The following PDE4D variants were observed in gnomAD, a reference collection of about 807,000 sequenced individuals.
The protein encoded by PDE4D is phosphodiesterase 4D, also known as 3',5'-cyclic-AMP phosphodiesterase 4D.
A neutral mutation model predicts 87.4 loss-of-function variants in PDE4D; 24 were observed. That is an observed-to-expected ratio of 0.27 (90% CI 0.20 to 0.39). The LOEUF (loss-of-function observed/expected upper bound fraction) is 0.39. Among genes scored for constraint, PDE4D ranks in the 10% least tolerant of loss-of-function variants. The pLI is 1.00. For missense variants in PDE4D, 714 were observed against 1,041.0 expected (o/e 0.69, Z 4.32); for synonymous variants, 384 against 383.2 (o/e 1.00, Z -0.02).
intron 1 of PDE4D, among the ~76,000 whole-genome samples, chr5:59,403,140 G>GACA (rs1445641721): frequency 9.0e-5 from 12 of 132,746 alleles, no homozygotes; most frequent in Non-Finnish European, 2.0e-4. Flanking sequence ...TAGGTAGGTA[G>GACA]GTAGACAGAC....
intron 1 of PDE4D, among the ~76,000 whole-genome samples, chr5:59,471,211 C>T (rs942575088): frequency 2.0e-5 from 3 of 152,072 alleles, no homozygotes; most frequent in African/African-American, 7.2e-5. Context: ...TGCCACTGCA[C>T]TCCAGCCTGG....
At chr5:60,367,890 G>A (rs1760692489) in intron 1 of PDE4D, among the ~76,000 whole-genome samples, 1 of 152,118 alleles carries the variant, frequency 6.6e-6, no homozygotes, top group South Asian at 2.1e-4. Context: ...GACTGAAATA[G>A]CTGCCTGTCC....
chr5:59,251,962 G>GAACTCATCA (rs1760047057), intron 1 of PDE4D, among the ~76,000 whole-genome samples: 2 of 152,142 alleles, frequency 1.3e-5, no homozygotes, highest in Non-Finnish European at 2.9e-5. Flanking sequence ...ATAAGTGGGA[G>GAACTCATCA]CTAAATGATG....
At chr5:59,755,197 C>T (rs964493479) in intron 1 of PDE4D, among the ~76,000 whole-genome samples, 13 of 152,062 alleles carry the variant, frequency 8.5e-5, no homozygotes, top group Admixed American at 6.6e-4. Context: ...TTTCATATGT[C>T]TATATTATTT....
chr5:59,191,363 C>A (rs1744254575), intron 3 of PDE4D, among the ~76,000 whole-genome samples: 1 of 151,596 alleles, frequency 6.6e-6, no homozygotes, highest in Non-Finnish European at 1.5e-5. Flanking sequence ...CATACACAGA[C>A]CTTTTTTCAT....
At chr5:60,504,033 T>C (rs1458860952) in intron 1 of PDE4D, among the ~76,000 whole-genome samples, 1 of 152,132 alleles carries the variant, frequency 6.6e-6, no homozygotes, top group East Asian at 1.9e-4. Context: ...CAGGTAGAGT[T>C]GATCATGTAA....
At chr5:59,188,427 T>C (rs1449206538) in intron 3 of PDE4D, among the ~76,000 whole-genome samples, 3 of 152,168 alleles carry the variant, frequency 2.0e-5, no homozygotes, top group Non-Finnish European at 4.4e-5. Flanking sequence ...TTCAATGTTA[T>C]TTACGTACAC....
chr5:59,492,045 C>T (rs1488789045), intron 1 of PDE4D, among the ~76,000 whole-genome samples: 1 of 152,188 alleles, frequency 6.6e-6, no homozygotes, highest in East Asian at 1.9e-4. Flanking sequence ...ATCTACTGCA[C>T]ACAGGTGTTG....
intron 1 of PDE4D, among the ~76,000 whole-genome samples, chr5:59,698,469 G>T (rs576820492): frequency 6.6e-6 from 1 of 151,564 alleles, no homozygotes; most frequent in African/African-American, 2.4e-5. Flanking sequence ...CAAGCAGAAG[G>T]AAAGAGATCT....
chr5:60,335,027 G>A (rs1041112240), intron 1 of PDE4D: 5 of 152,154 alleles, frequency 3.3e-5, no homozygotes, highest in Non-Finnish European at 7.3e-5. Flanking sequence ...AGGAGTATGA[G>A]CAGAAGAGAC....
intron 1 of PDE4D, among the ~76,000 whole-genome samples, chr5:59,590,027 C>T (rs1825700394): frequency 6.6e-6 from 1 of 152,022 alleles, no homozygotes; most frequent in African/African-American, 2.4e-5. Context: ...TTTCACAGTT[C>T]AGAGAATCAA....
intron 1 of PDE4D, among the ~76,000 whole-genome samples, chr5:59,539,382 C>T (rs1483394543): frequency 2.0e-5 from 3 of 152,076 alleles, no homozygotes; most frequent in Non-Finnish European, 2.9e-5. Context: ...ACCCACCCTA[C>T]CCCCCAAAAA....
intron 1 of PDE4D, among the ~76,000 whole-genome samples, chr5:59,242,763 T>G (rs1757934080): frequency 6.6e-6 from 1 of 152,192 alleles, no homozygotes; most frequent in Non-Finnish European, 1.5e-5. Flanking sequence ...TGGAAGAGAC[T>G]GGCATTTCCT....
At chr5:59,586,261 A>C (rs1477775835) in intron 1 of PDE4D, 7 of 1,202,846 alleles carry the variant, frequency 5.8e-6, no homozygotes, top group Non-Finnish European at 8.7e-6. Context: ...ACAAATCCTC[A>C]TCTGGTACCT....
intron 1 of PDE4D, among the ~76,000 whole-genome samples, chr5:59,724,013 A>G (rs1359454312): frequency 6.6e-6 from 1 of 152,112 alleles, no homozygotes; most frequent in Non-Finnish European, 1.5e-5. Context: ...TGACCTGGCA[A>G]TGTTTCCCAG....
In PDE4D at chr5:58,973,320, T is replaced by C. The variant is rs191178674; in HGVS notation, c.*1344A>G. 2.6e-5 allele frequency: 4 copies of C among 152,338 alleles called. No individual in the cohort carries two copies. In the East Asian group the frequency reaches 7.7e-4, roughly 29 times the overall value. The allele number at this position is 152,338 out of a possible 1,614,324, so 9.4% of individuals were successfully genotyped here. On this transcript the variant is annotated 3_prime_UTR_variant, in exon 15 of 15. Coordinates refer to ENST00000340635, the MANE Select transcript of PDE4D (RefSeq NM_001104631.2). ...TTTTCACCGGTGACAATGGTAGTGA[T>C]ATATTTGACAAGACCTCATCTAGCA...
At chr5:59,311,665 C>G (rs1451063910) in intron 1 of PDE4D, among the ~76,000 whole-genome samples, 1 of 152,034 alleles carries the variant, frequency 6.6e-6, no homozygotes, top group Non-Finnish European at 1.5e-5. Context: ...TGCGATAAAT[C>G]CAACCACCAA....
Position 59,148,546 on chromosome 5 carries a change from C to T in PDE4D, c.808+32049G>A, listed in dbSNP as rs78564617. ...GTGAAATGATGATGTAGAGAGAAAG[C>T]GTATCCCAGCACCTGCATGGTAACC... is the stretch of plus-strand genomic sequence containing the variant. On this transcript the variant is annotated intron_variant, in intron 5 of 14. Transcript: ENST00000340635. Among the ~76,000 whole-genome samples the T allele has an allele frequency of 3.3e-3, 495 of 152,232 alleles. 6 individuals carry two copies. Among genetic ancestry groups the T allele is most frequent in the African/African-American group, 0.011 (466 of 41,530 alleles).
intron 1 of PDE4D, among the ~76,000 whole-genome samples, chr5:59,390,253 GCTCT>G (rs374971834): frequency 2.0e-5 from 3 of 152,154 alleles, no homozygotes; most frequent in South Asian, 2.1e-4. Flanking sequence ...ACAAGATGGC[GCTCT>G]CTAATTTTGG....
Sources: allele counts gnomAD v4.1 joint callset (sites outside exome capture counted in the v4.1 genomes callset), GRCh38; gene constraint gnomAD v4.1.1; transcripts MANE v1.5; gene names NCBI Gene and HGNC (gene_info 2026-07-23, HGNC 2026-07-21).